Variants in HNF1A observed in about 807,000 individuals in gnomAD.
HNF1A encodes the protein HNF1 homeobox A, also known as hepatocyte nuclear factor 1-alpha.
A neutral mutation model predicts 62.2 loss-of-function variants in HNF1A; 21 were observed. That is an observed-to-expected ratio of 0.34 (90% confidence interval 0.24 to 0.49). HNF1A has a LOEUF of 0.49. HNF1A is among the 20% of genes least tolerant of loss of function. The pLI is 0.99. For missense variants in HNF1A, 687 were observed against 832.3 expected (o/e 0.83, Z 2.15); for synonymous variants, 374 against 366.8 (o/e 1.02, Z -0.22).
intron 9 of HNF1A, among the ~76,000 whole-genome samples, chr12:120,999,998 C>A (rs1370683625): frequency 6.6e-6 from 1 of 152,216 alleles, no homozygotes; most frequent in Non-Finnish European, 1.5e-5. Flanking sequence ...TTGTTGCCAA[C>A]ATTTCAAAAT....
At chr12:120,994,091 ACCCTC>A in intron 3 of HNF1A, 68 bp from the exon 4 acceptor site, 1 of 1,570,160 alleles carries the variant, frequency 6.4e-7, no homozygotes, top group South Asian at 1.2e-5. Context: ...GCTTCTCAGA[ACCCTC>A]CCCTTCATGC....
chr12:121,000,800 C>T, intron 9 of HNF1A: 1 of 509,502 alleles, frequency 2.0e-6, no homozygotes, highest in Non-Finnish European at 3.6e-6. Flanking sequence ...CCAACACGTA[C>T]AACTACCTAC....
chr12:120,999,448 T>TC (rs1877306609), intron 8 of HNF1A, 35 bp from the exon 9 acceptor site: 5 of 1,613,318 alleles, frequency 3.1e-6, no homozygotes, highest in African/African-American at 1.3e-5. Flanking sequence ...CACCCCCACA[T>TC]CCCCCGGGCT....
intron 1 of HNF1A, 141 bp from the exon 2 acceptor site, chr12:120,988,692 G>T: frequency 1.4e-6 from 1 of 736,860 alleles, no homozygotes; most frequent in South Asian, 1.5e-5. Flanking sequence ...GAGTCTATGT[G>T]TAGGCCCCTG....
chr12:120,994,493 T>G lies in HNF1A; in HGVS notation c.955+88T>G. The G allele has an allele frequency of 3.4e-6, 5 of 1,464,464 alleles. No homozygotes were observed. In the South Asian group the frequency reaches 6.6e-5, roughly 19 times the overall value. The allele number at this position is 1,464,464 out of a possible 1,614,324, so 90.7% of individuals were successfully genotyped here. A position where few individuals can be genotyped will look rare whatever the true frequency, so the allele number is the denominator to read the frequency against. ...AGTGACAGCAGTCACCTAAACCTCT[T>G]TGCACTTCAGTTTGGTTCCATTCCA... is the stretch of plus-strand genomic sequence containing the variant. On this transcript the variant is annotated intron_variant, in intron 4 of 9. Transcript: ENST00000257555.
At chr12:121,000,854 T>C (rs535755081) in intron 9 of HNF1A, 2 of 622,330 alleles carry the variant, frequency 3.2e-6, no homozygotes, top group Non-Finnish European at 5.8e-6. Context: ...CACTAAGATG[T>C]ACTCAGGCCA....
chr12:120,987,134 AC>A (rs1876549254), intron 1 of HNF1A, among the ~76,000 whole-genome samples: 1 of 152,100 alleles, frequency 6.6e-6, no homozygotes, highest in African/African-American at 2.4e-5. Context: ...CATTTTTGGT[AC>A]TATGAGGCCT....
chr12:120,985,351 G>T (rs1876458148), intron 1 of HNF1A, among the ~76,000 whole-genome samples: 1 of 150,932 alleles, frequency 6.6e-6, no homozygotes, highest in Admixed American at 6.6e-5. Flanking sequence ...CAAAGAGCTG[G>T]GATTACCACC....
Position 121,001,387 on chromosome 12 carries a change from G to T in HNF1A, c.*195G>T. ...CGCCCCAACCCGTGGAGGCTGCTCGGGGTGCACAGGAGGGGGTCGTGGAGA... is the reference window on the plus strand; with the variant it reads ...CGCCCCAACCCGTGGAGGCTGCTCGTGGTGCACAGGAGGGGGTCGTGGAGA... On this transcript the variant is annotated 3_prime_UTR_variant, in exon 10 of 10. Transcript: ENST00000257555. 1 of 663,870 alleles carries T rather than the reference G, an allele frequency of 1.5e-6. No individual in the cohort carries two copies. Among genetic ancestry groups the T allele is most frequent in the Non-Finnish European group, 2.6e-6 (1 of 389,042 alleles). The allele number at this position is 663,870 out of a possible 1,614,324, so 41.1% of individuals were successfully genotyped here. A position where few individuals can be genotyped will look rare whatever the true frequency, so the allele number is the denominator to read the frequency against.
At chr12:120,999,032 T>A (rs1025192740) in intron 7 of HNF1A, among the ~76,000 whole-genome samples, 1 of 152,216 alleles carries the variant, frequency 6.6e-6, no homozygotes, top group African/African-American at 2.4e-5. Flanking sequence ...GGAGTTGGTT[T>A]CTGGCCTCCT....
intron 1 of HNF1A, among the ~76,000 whole-genome samples, chr12:120,988,414 GCCCATCCATCCATCCACCCA>G (rs1366187506): frequency 7.5e-6 from 1 of 133,538 alleles, no homozygotes; most frequent in Non-Finnish European, 1.6e-5. Context: ...CCACCCATTC[GCCCATCCATCCATCCACCCA>G]CCCATCCATC....
At chr12:120,985,230 A>G (rs1259895030) in intron 1 of HNF1A, among the ~76,000 whole-genome samples, 1 of 149,470 alleles carries the variant, frequency 6.7e-6, no homozygotes, top group Non-Finnish European at 1.5e-5. Context: ...ACAGGTGTGC[A>G]CCACCATGCC....
intron 2 of HNF1A, among the ~76,000 whole-genome samples, chr12:120,989,280 A>G (rs1011929638): frequency 4.0e-5 from 6 of 151,886 alleles, no homozygotes; most frequent in Non-Finnish European, 7.4e-5. Flanking sequence ...TTTTTTAGAT[A>G]GAGTTTTGCT....
chr12:120,989,343 C>T (rs1051256318), intron 2 of HNF1A, among the ~76,000 whole-genome samples: 4 of 152,092 alleles, frequency 2.6e-5, no homozygotes, highest in African/African-American at 9.7e-5. Flanking sequence ...CTGTGACCTC[C>T]TCCTCCCAGG....
intron 1 of HNF1A, among the ~76,000 whole-genome samples, chr12:120,984,541 G>A (rs1392569720): frequency 6.6e-6 from 1 of 152,106 alleles, no homozygotes; most frequent in Non-Finnish European, 1.5e-5. Flanking sequence ...GGTGATGGCT[G>A]CAGATGGGGG....
Position 120,996,297 on chromosome 12 carries a change from G to A in HNF1A, c.991G>A (p.Ala331Thr). 6 of 1,614,136 alleles carry A rather than the reference G, an allele frequency of 3.7e-6. No individual in the cohort carries two copies. Among genetic ancestry groups the A allele is most frequent in the Non-Finnish European group, 5.1e-6 (6 of 1,180,026 alleles). Residue 331 changes from alanine to threonine, a missense_variant, in exon 5 of 10, where the codon GCA becomes ACA. By Grantham distance (58) the Ala-to-Thr change is moderately conservative. Coordinates refer to ENST00000257555, the MANE Select transcript of HNF1A (RefSeq NM_000545.8). The surrounding 1 kb of genome is among the most constrained non-coding windows in gnomAD (Gnocchi z 4.5). ...TGGACAGCCTGCGACCAGTGAGACT[G>A]CAGAAGTACCCTCAAGCAGCGGCGG... ...RYGQPATSET[A>T]EVPSSSGGPL... is the part of the protein sequence containing the mutation.
At position 120,999,332 on chromosome 12, in the gene HNF1A, G is replaced by T. The variant is rs2135850753; in HGVS notation, c.1566G>T (p.Met522Ile). The T allele has an allele frequency of 6.2e-7, 1 of 1,613,990 alleles. No homozygotes were observed. The highest frequency in any genetic ancestry group is 2.2e-5 in the East Asian group (1 of 44,888). Reference protein sequence around the residue: ...YTHTGLLPQTMLITDTTNLSA... With the variant: ...YTHTGLLPQTILITDTTNLSA... ...ACACGGGCCTGCTCCCGCAGACTAT[G>T]CTCATCACCGACACCACCAACCTGA... The change falls in exon 8 of 10, where the codon ATG becomes ATT. Residue 522 changes from methionine to isoleucine, a missense_variant. Around this residue, in one of 5 missense-constraint regions of HNF1A, gnomAD observed 408 missense variants for 455.3 expected, o/e 0.90. Coordinates refer to ENST00000257555, the MANE Select transcript of HNF1A (RefSeq NM_000545.8).
chr12:120,994,661 T>G (rs1312441788), intron 4 of HNF1A, among the ~76,000 whole-genome samples: 1 of 149,424 alleles, frequency 6.7e-6, no homozygotes, highest in East Asian at 1.9e-4. Context: ...TCCACTACCT[T>G]CGACTCCACT....
chr12:120,993,943 C>T (rs1405214249), intron 3 of HNF1A, among the ~76,000 whole-genome samples: 1 of 152,230 alleles, frequency 6.6e-6, no homozygotes, highest in Non-Finnish European at 1.5e-5. Context: ...TCGATTCTCT[C>T]TACAATCCTA....
Sources: allele counts gnomAD v4.1 joint callset (sites outside exome capture counted in the v4.1 genomes callset), GRCh38; gene constraint gnomAD v4.1.1; regional missense constraint gnomAD v4.1.1; non-coding constraint Gnocchi (gnomAD v3.1); transcripts MANE v1.5; gene names NCBI Gene and HGNC (gene_info 2026-07-23, HGNC 2026-07-21).